CENPM: variants seen among roughly 807,000 people sequenced by gnomAD.
CENPM encodes interphase centromere complex protein 39.
In CENPM, 14 loss-of-function variants were observed where a neutral mutation model predicts 19.6. The ratio of observed to expected loss-of-function variants is 0.71; its 90% CI spans 0.47 to 1.11. The LOEUF is 1.11. Ranked by LOEUF, CENPM falls within the 50% of genes most tolerant of loss-of-function variation. The probability of loss-of-function intolerance (pLI) is 0.00; values close to 1 mark genes in which losing one functional copy is unlikely to be tolerated. For synonymous variants in CENPM, 114 were observed against 101.5 expected (o/e 1.12, Z -0.74); for missense variants, 239 against 228.4 (o/e 1.05, Z -0.30).
chr22:41,932,893 C>A, the CENPM span, among the ~76,000 whole-genome samples: 4 of 152,320 alleles, frequency 2.6e-5, no homozygotes, highest in East Asian at 7.7e-4. This position sits in a 1 kb window ranked among gnomAD's most constrained non-coding sequence, Gnocchi z 4.3. Flanking sequence ...ACTCACTTAG[C>A]ACCTACCAGG....
At chr22:41,941,786 A>G (rs1025060046) in intron 5 of CENPM, among the ~76,000 whole-genome samples, 3 of 152,196 alleles carry the variant, frequency 2.0e-5, no homozygotes, top group African/African-American at 7.2e-5. Context: ...GGGGCTCAAA[A>G]AGTAGTCATC....
At chr22:41,933,156 C>G in the CENPM span, among the ~76,000 whole-genome samples, 1 of 152,114 alleles carries the variant, frequency 6.6e-6, no homozygotes, top group Non-Finnish European at 1.5e-5. Flanking sequence ...GGCCCAGTGA[C>G]CAGGAAAAGG....
At chr22:41,936,698 G>A (rs1317013077), downstream of CENPM, among the ~76,000 whole-genome samples, 2 of 152,224 alleles carry the variant, frequency 1.3e-5, no homozygotes, top group Admixed American at 6.5e-5. Flanking sequence ...GGAGGCCAAG[G>A]GTGGCAGATC....
downstream of CENPM, among the ~76,000 whole-genome samples, chr22:41,938,007 C>CT (rs2146599010): frequency 6.6e-6 from 1 of 152,172 alleles, no homozygotes; most frequent in South Asian, 2.1e-4. Flanking sequence ...CCATGCCTGG[C>CT]TAATTTGTTT....
the CENPM span, among the ~76,000 whole-genome samples, chr22:41,929,935 C>CTTTT: frequency 7.2e-5 from 7 of 97,656 alleles, no homozygotes; most frequent in African/African-American, 1.0e-4. Flanking sequence ...TTCCCCGTGG[C>CTTTT]TTTTTTTTTT....
At chr22:41,930,728 G>A in the CENPM span, among the ~76,000 whole-genome samples, 6 of 151,304 alleles carry the variant, frequency 4.0e-5, no homozygotes, top group Non-Finnish European at 5.9e-5. Context: ...CCATGTTGGG[G>A]AGGCTAGTCT....
intron 1 of CENPM, 112 bp from the exon 2 acceptor site, chr22:41,946,608 CG>C (rs2077807224): frequency 1.2e-6 from 1 of 863,332 alleles, no homozygotes; most frequent in Non-Finnish European, 1.8e-6. Context: ...GCAGGCGGCT[CG>C]GAGGACATTT....
intron 1 of CENPM, 156 bp downstream of exon 1, chr22:41,946,864 C>T (rs1569429195): frequency 2.9e-6 from 2 of 701,506 alleles, no homozygotes; most frequent in East Asian, 5.4e-5. Context: ...AGAGCGGCTA[C>T]TCCAATTGGT....
chr22:41,943,535 A>G lies in CENPM; in HGVS notation c.402+75T>C, dbSNP rs1389527262. 5.5e-6 allele frequency: 7 copies of G among 1,281,606 alleles called. No homozygotes were observed. In the Admixed American group the frequency reaches 7.5e-5, roughly 14 times the overall value. The allele number at this position is 1,281,606 out of a possible 1,614,324, so 79.4% of individuals were successfully genotyped here. A position where few individuals can be genotyped will look rare whatever the true frequency, so the allele number is the denominator to read the frequency against. On this transcript the variant is annotated intron_variant, in intron 5 of 5. Coordinates refer to ENST00000215980, the MANE Select transcript of CENPM (RefSeq NM_024053.5). ...CTAAGTCCTTCGATAAGCATTCCCA[A>G]TGTGCCCACTGTGTGCTGACCACCC... is the stretch of plus-strand genomic sequence containing the variant.
At position 41,939,000 on chromosome 22, in the gene CENPM, T is replaced by A. The variant is rs901118819; in HGVS notation, c.*56A>T. ...CTGACTGGACATCCTCAACAGAGAA[T>A]GTTTATGGAGTCAGCACGAAGCCAT... On this transcript the variant is annotated 3_prime_UTR_variant, in exon 6 of 6. Coordinates refer to ENST00000215980, the MANE Select transcript of CENPM (RefSeq NM_024053.5). 6.3e-7 allele frequency: 1 copy of A among 1,593,368 alleles called. No individual in the cohort carries two copies. Among genetic ancestry groups the A allele is most frequent in the African/African-American group, 1.3e-5 (1 of 74,420 alleles).
intron 1 of CENPM, 68 bp downstream of exon 1, chr22:41,946,952 T>C (rs1190730861): frequency 5.6e-5 from 85 of 1,518,624 alleles, no homozygotes; most frequent in Non-Finnish European, 7.4e-5. Flanking sequence ...AGAGCTCAGT[T>C]GACCTAGTGG....
the CENPM span, among the ~76,000 whole-genome samples, chr22:41,931,638 C>CT: frequency 6.6e-6 from 1 of 152,200 alleles, no homozygotes; most frequent in Non-Finnish European, 1.5e-5. Flanking sequence ...AAAACAGAGG[C>CT]TTTAAGGGGC....
chr22:41,931,614 A>G, the CENPM span, among the ~76,000 whole-genome samples: 6 of 152,244 alleles, frequency 3.9e-5, no homozygotes, highest in East Asian at 3.8e-4. Flanking sequence ...CTATTAGGAC[A>G]TTTTCCAGAT....
At position 41,946,505 on chromosome 22, in the gene CENPM, G is replaced by A. The variant is rs769876452; in HGVS notation, c.58-9C>T. On this transcript the variant is annotated splice_polypyrimidine_tract_variant and intron_variant, in intron 1 of 5. Transcript: ENST00000215980. ...TCCTCCGTGCCCACCAGCTGCGCAG[G>A]GAGAGAGAGCGGACAGTCGAGCCCT... 20 of 1,612,472 alleles carry A rather than the reference G, an allele frequency of 1.2e-5. No homozygotes were observed. Among genetic ancestry groups the A allele is most frequent in the South Asian group, 5.5e-5 (5 of 91,002 alleles).
intron 3 of CENPM, 52 bp downstream of exon 3, chr22:41,945,861 G>T (rs1449559181): frequency 6.8e-7 from 1 of 1,466,592 alleles, no homozygotes; most frequent in Non-Finnish European, 9.5e-7. Flanking sequence ...TCTCAGCACA[G>T]TCCTGAGCCA....
rs748336647 is a variant in CENPM at position 41,946,500 on chromosome 22, C to A, written c.58-4G>T. The A allele has an allele frequency of 3.1e-6, 5 of 1,612,706 alleles. No individual in the cohort carries two copies. Among genetic ancestry groups the A allele is most frequent in the Admixed American group, 1.7e-5 (1 of 60,004 alleles). ...GAGCATCCTCCGTGCCCACCAGCTGCGCAGGGAGAGAGAGCGGACAGTCGA... is the reference window on the plus strand; with the variant it reads ...GAGCATCCTCCGTGCCCACCAGCTGAGCAGGGAGAGAGAGCGGACAGTCGA... On this transcript the variant is annotated splice_polypyrimidine_tract_variant and splice_region_variant and intron_variant, in intron 1 of 5. Transcript: ENST00000215980.
At position 41,945,272 on chromosome 22, in the gene CENPM, A is replaced by G. The variant is rs769683666; in HGVS notation, c.263T>C (p.Val88Ala). 6.2e-7 allele frequency: 1 copy of G among 1,613,980 alleles called. No homozygotes were observed. The highest frequency in any genetic ancestry group is 2.2e-5 in the East Asian group (1 of 44,862). Reference protein sequence around the residue: ...LQNTEESLRHVDASFFLGKVC... With the variant: ...LQNTEESLRHADASFFLGKVC... Reference sequence around the variant, plus strand: ...CTTCCCCAAGAAGAAGCTGGCATCCACATGGCGCAGGGACTCCTCTGTGTT... The same window carrying G: ...CTTCCCCAAGAAGAAGCTGGCATCCGCATGGCGCAGGGACTCCTCTGTGTT... The change falls in exon 4 of 6, where the codon GTG (valine) becomes GCG (alanine). Residue 88 changes from valine to alanine, a missense_variant. Physicochemically the swap from Val to Ala is moderately conservative, Grantham distance 64. Transcript: ENST00000215980.
At chr22:41,940,321 C>T (rs528056572) in intron 5 of CENPM, 2 of 596,900 alleles carry the variant, frequency 3.4e-6, no homozygotes, top group Non-Finnish European at 3.1e-6. Context: ...ACCTGACACG[C>T]CACGCCTCCA....
intron 3 of CENPM, 106 bp downstream of exon 3, chr22:41,945,807 G>T: frequency 1.2e-6 from 1 of 847,036 alleles, no homozygotes; most frequent in Non-Finnish European, 1.9e-6. Flanking sequence ...ACCTCAGCCA[G>T]CCTCTCCCAT....
Sources: allele counts gnomAD v4.1 joint callset (sites outside exome capture counted in the v4.1 genomes callset), GRCh38; gene constraint gnomAD v4.1.1; non-coding constraint Gnocchi (gnomAD v3.1); transcripts MANE v1.5; gene names NCBI Gene and HGNC (gene_info 2026-07-23, HGNC 2026-07-21).